TMEM132B: variants seen among roughly 807,000 people sequenced by gnomAD.
TMEM132B encodes the protein transmembrane protein 132B.
A neutral mutation model predicts 90.8 loss-of-function variants in TMEM132B; 18 were observed. That is an observed-to-expected ratio of 0.20 (90% CI 0.14 to 0.29). The LOEUF is 0.29. Ranked by LOEUF, TMEM132B falls within the 10% of genes least tolerant of loss-of-function variation. The pLI, the probability that TMEM132B is intolerant of heterozygous loss-of-function variation, is 1.00. For synonymous variants in TMEM132B, 504 were observed against 523.3 expected (o/e 0.96, Z 0.50); for missense variants, 1,096 against 1,326.8 (o/e 0.83, Z 2.70).
intron 4 of TMEM132B, among the ~76,000 whole-genome samples, chr12:125,544,528 C>T (rs774003174): frequency 1.3e-5 from 2 of 152,146 alleles, no homozygotes; most frequent in Non-Finnish European, 2.9e-5. Context: ...GAAAAGGAGG[C>T]TTCCTCCAAG....
At chr12:125,399,463 GTGTGTGTGTGTGTGTGTGTA>G (rs755563529) in intron 2 of TMEM132B, among the ~76,000 whole-genome samples, 1,128 of 93,198 alleles carry the variant, frequency 0.012, 3 homozygotes, top group African/African-American at 0.014. Flanking sequence ...AAGGAAGTGT[GTGTGTGTGTGTGTGTGTGTA>G]TGTGTGTGTG....
intron 1 of TMEM132B, among the ~76,000 whole-genome samples, chr12:125,225,709 C>T (rs1453855943): frequency 6.6e-6 from 1 of 152,166 alleles, no homozygotes; most frequent in African/African-American, 2.4e-5. Flanking sequence ...AGCTCACTTA[C>T]CTCCGCGGGG....
At position 125,415,082 on chromosome 12, in the gene TMEM132B, C is replaced by T. The variant is rs566011671; in HGVS notation, c.960-449C>T. Among the ~76,000 whole-genome samples the T allele has an allele frequency of 6.6e-6, 1 of 152,286 alleles. No individual in the cohort carries two copies. The highest frequency in any genetic ancestry group is 1.9e-4 in the East Asian group (1 of 5,176). ...CGTCCATTCCTGCTCCCAGAGTGCC[C>T]AGTGCAATGGCCTCCTCTTCCATCC... On this transcript the variant is annotated intron_variant, in intron 2 of 8. Coordinates refer to ENST00000682704, the MANE Select transcript of TMEM132B (RefSeq NM_001366854.1). The surrounding 1 kb of genome is among the most constrained non-coding windows in gnomAD (Gnocchi z 5.3).
chr12:125,653,469 CTTATAT>C, intron 8 of TMEM132B, 90 bp from the exon 9 acceptor site: 1 of 1,345,024 alleles, frequency 7.4e-7, no homozygotes, highest in South Asian at 1.5e-5. Flanking sequence ...AAATCTTCTC[CTTATAT>C]TTAAACAATT....
At chr12:125,378,603 G>C (rs1285773571) in intron 2 of TMEM132B, among the ~76,000 whole-genome samples, 1 of 152,200 alleles carries the variant, frequency 6.6e-6, no homozygotes, top group Non-Finnish European at 1.5e-5. Context: ...GACATGCACA[G>C]CTGGATGTGG....
chr12:125,538,544 A>G (rs986322448), intron 4 of TMEM132B, among the ~76,000 whole-genome samples: 4 of 152,322 alleles, frequency 2.6e-5, no homozygotes, highest in Middle Eastern at 6.8e-3. Flanking sequence ...TCTGTTGCCA[A>G]TCAATGAAAC....
At chr12:125,266,218 G>C (rs1009832966) in intron 1 of TMEM132B, among the ~76,000 whole-genome samples, 2 of 152,076 alleles carry the variant, frequency 1.3e-5, no homozygotes, top group African/African-American at 4.8e-5. Context: ...GACAAAGAGA[G>C]ACCCTAAAAA....
In TMEM132B at chr12:125,246,895, G is replaced by A. The variant is rs1013301425; in HGVS notation, c.67+60029G>A. Among the ~76,000 whole-genome samples the A allele has an allele frequency of 6.6e-6, 1 of 152,006 alleles. No individual in the cohort carries two copies. The highest frequency in any genetic ancestry group is 1.5e-5 in the Non-Finnish European group (1 of 68,010). On this transcript the variant is annotated intron_variant, in intron 1 of 8. Transcript: ENST00000682704. This position sits in a 1 kb window ranked among gnomAD's most constrained non-coding sequence, Gnocchi z 4.2. ...TCAGCATTTCATCACATTTCCCACCGGGAGAGCCTGGGGTTTGTGGGGGAG... is the reference window on the plus strand; with the variant it reads ...TCAGCATTTCATCACATTTCCCACCAGGAGAGCCTGGGGTTTGTGGGGGAG...
At position 125,275,270 on chromosome 12, in the gene TMEM132B, A is replaced by T. The variant is rs116935394; in HGVS notation, c.68-74182A>T. ...TTTTGTTATTTAATCATATTCTGTT[A>T]GCCCATTGTGGAGTGTAAGTCTGGC... is the stretch of plus-strand genomic sequence containing the variant. On this transcript the variant is annotated intron_variant, in intron 1 of 8. Transcript: ENST00000682704. Among the ~76,000 whole-genome samples the T allele has an allele frequency of 1.6e-3, 250 of 152,300 alleles. 2 individuals are homozygous for T. The highest frequency in any genetic ancestry group is 2.7e-3 in the Non-Finnish European group (186 of 68,020).
intron 4 of TMEM132B, among the ~76,000 whole-genome samples, chr12:125,578,239 T>C (rs952461360): frequency 6.6e-6 from 1 of 152,176 alleles, no homozygotes; most frequent in Non-Finnish European, 1.5e-5. Context: ...TTTTATTTCT[T>C]CCTTCAACTG....
chr12:125,439,427 G>A (rs1259156293), intron 3 of TMEM132B, among the ~76,000 whole-genome samples: 1 of 152,042 alleles, frequency 6.6e-6, no homozygotes, highest in African/African-American at 2.4e-5. Flanking sequence ...TCTTTTTGTG[G>A]CAATTGTGAA....
Position 125,552,095 on chromosome 12 carries a change from C to T in TMEM132B, c.1294-31756C>T, listed in dbSNP as rs537450311. Reference sequence around the variant, plus strand: ...CCATTGTGCATTATATATGAATACTCAAGCTCATTTAAAACACCATCTGAT... The same window carrying T: ...CCATTGTGCATTATATATGAATACTTAAGCTCATTTAAAACACCATCTGAT... On this transcript the variant is annotated intron_variant, in intron 4 of 8. Coordinates refer to ENST00000682704, the MANE Select transcript of TMEM132B (RefSeq NM_001366854.1). 1.0e-3 allele frequency among the ~76,000 whole-genome samples: 158 copies of T among 152,324 alleles called. 1 individual carries two copies. The highest frequency in any genetic ancestry group is 1.1e-3 in the Non-Finnish European group (74 of 68,026).
intron 2 of TMEM132B, among the ~76,000 whole-genome samples, chr12:125,355,166 G>C (rs898487322): frequency 2.6e-5 from 4 of 152,064 alleles, no homozygotes; most frequent in Admixed American, 2.0e-4. Flanking sequence ...TTGATGGCCA[G>C]AGAAAAATGC....
chr12:125,237,846 C>G (rs1873971188), intron 1 of TMEM132B, among the ~76,000 whole-genome samples: 1 of 152,180 alleles, frequency 6.6e-6, no homozygotes, highest in Admixed American at 6.5e-5. Context: ...GTGCTTGGTG[C>G]TGTTGTGGTA....
intron 3 of TMEM132B, among the ~76,000 whole-genome samples, chr12:125,505,185 A>AAC (rs1882811863): frequency 2.5e-5 from 3 of 121,652 alleles, no homozygotes; most frequent in Non-Finnish European, 5.5e-5. Flanking sequence ...AAAAAAAAAA[A>AAC]AAAAAAAAAA....
intron 2 of TMEM132B, among the ~76,000 whole-genome samples, chr12:125,352,291 CT>C (rs1877613047): frequency 6.6e-6 from 1 of 152,256 alleles, no homozygotes; most frequent in African/African-American, 2.4e-5. Context: ...CAATTTCTTT[CT>C]CTGCAGTAAA....
At chr12:125,337,791 C>T (rs968909808) in intron 1 of TMEM132B, among the ~76,000 whole-genome samples, 19 of 152,202 alleles carry the variant, frequency 1.2e-4, no homozygotes, top group African/African-American at 4.3e-4. Context: ...TTCTCATCCT[C>T]AAAGTCATAC....
chr12:125,456,962 C>T (rs1376400214), intron 3 of TMEM132B, among the ~76,000 whole-genome samples: 1 of 152,186 alleles, frequency 6.6e-6, no homozygotes, highest in African/African-American at 2.4e-5. Context: ...TCTTCTCTTT[C>T]CCAGCCCTGG....
intron 2 of TMEM132B, among the ~76,000 whole-genome samples, chr12:125,400,837 C>A (rs758307512): frequency 3.9e-5 from 6 of 152,194 alleles, no homozygotes; most frequent in Non-Finnish European, 5.9e-5. Context: ...TGTTGAACCT[C>A]TTTTGCATGA....
Sources: gnomAD v4.1 joint callset for allele counts (sites outside exome capture counted in the v4.1 genomes callset) on GRCh38, gnomAD v4.1.1 for gene constraint, Gnocchi (gnomAD v3.1) non-coding constraint, MANE v1.5 for transcripts, NCBI Gene and HGNC (gene_info 2026-07-23, HGNC 2026-07-21) for gene names.